CCNYL1: variants seen among roughly 807,000 people sequenced by gnomAD.
CCNYL1 encodes cyclin-Y-like protein 1.
In CCNYL1, 16 loss-of-function variants were observed where a neutral mutation model predicts 44.2. The ratio of observed to expected loss-of-function variants is 0.36; its 90% CI spans 0.25 to 0.55. The LOEUF (loss-of-function observed/expected upper bound fraction) is 0.55, where lower values mean the gene tolerates loss of function less well. Among genes scored for constraint, CCNYL1 ranks in the 20% least tolerant of loss-of-function variants. The pLI, the probability that CCNYL1 is intolerant of heterozygous loss-of-function variation, is 0.85. For missense variants in CCNYL1, 348 were observed against 451.8 expected, an observed-to-expected ratio of 0.77 and a Z score of 2.08; for synonymous variants, 159 against 163.2, an observed-to-expected ratio of 0.97 and a Z score of 0.20.
intron 8 of CCNYL1, 128 bp downstream of exon 8, chr2:207,747,341 ATCTG>A (rs886980258): frequency 1.2e-5 from 8 of 681,946 alleles, no homozygotes; most frequent in African/African-American, 9.0e-5. Flanking sequence ...ATAAGACTAT[ATCTG>A]TCTATCTTTA....
rs749556312 is a variant in CCNYL1 at position 207,753,950 on chromosome 2, C to A, written c.*252C>A. The A allele has an allele frequency of 5.5e-6, 2 of 362,462 alleles. No homozygotes were observed. The highest frequency in any genetic ancestry group is 1.0e-5 in the Non-Finnish European group (2 of 200,318). The allele number at this position is 362,462 out of a possible 1,614,324, so 22.5% of individuals were successfully genotyped here. On this transcript the variant is annotated 3_prime_UTR_variant, in exon 10 of 10. Coordinates refer to ENST00000295414, the MANE Select transcript of CCNYL1 (RefSeq NM_001330218.2). ...AAAACCACTCCAAAGTGAAGGCTCC[C>A]ATCCTACACACAGATATTTGCTTAC...
intron 8 of CCNYL1, among the ~76,000 whole-genome samples, chr2:207,748,650 GT>G (rs1487494690): frequency 6.6e-6 from 1 of 152,206 alleles, no homozygotes; most frequent in Non-Finnish European, 1.5e-5. Context: ...AGTGGCAAGA[GT>G]TTGTTTTTAT....
chr2:207,725,481 G>T (rs1691901219), intron 2 of CCNYL1, among the ~76,000 whole-genome samples: 1 of 152,194 alleles, frequency 6.6e-6, no homozygotes, highest in African/African-American at 2.4e-5. Flanking sequence ...TGCTCCAAAA[G>T]AGTACATTTT....
intron 1 of CCNYL1, among the ~76,000 whole-genome samples, chr2:207,717,944 G>A (rs528656298): frequency 8.5e-5 from 12 of 141,666 alleles, no homozygotes; most frequent in South Asian, 2.2e-4. Context: ...TCACTGTGTC[G>A]CCCAGGTTGA....
chr2:207,736,330 G>C (rs1202608655), intron 4 of CCNYL1, among the ~76,000 whole-genome samples: 1 of 152,182 alleles, frequency 6.6e-6, no homozygotes, highest in African/African-American at 2.4e-5. Context: ...TTGAGCCTCA[G>C]TTTAGAGACT....
intron 3 of CCNYL1, among the ~76,000 whole-genome samples, chr2:207,729,132 T>A (rs1307630454): frequency 6.6e-6 from 1 of 152,086 alleles, no homozygotes; most frequent in East Asian, 1.9e-4. Context: ...AATAAGTCTG[T>A]AGACTATGTC....
chr2:207,741,794 C>T (rs1470491911), intron 6 of CCNYL1, among the ~76,000 whole-genome samples: 2 of 148,558 alleles, frequency 1.3e-5, no homozygotes, highest in African/African-American at 2.5e-5. Flanking sequence ...TGCAGTGAGC[C>T]GAGATTGTGC....
intron 1 of CCNYL1, among the ~76,000 whole-genome samples, chr2:207,722,293 T>C (rs531915761): frequency 1.3e-5 from 2 of 152,164 alleles, no homozygotes; most frequent in East Asian, 3.9e-4. Context: ...CAGGCTGGTC[T>C]CGAACTCCTG....
intron 1 of CCNYL1, among the ~76,000 whole-genome samples, chr2:207,719,418 A>C (rs1245862275): frequency 6.6e-6 from 1 of 150,636 alleles, no homozygotes; most frequent in Admixed American, 6.7e-5. Flanking sequence ...CTAATGCCTC[A>C]GCCTCCTGAG....
intron 7 of CCNYL1, among the ~76,000 whole-genome samples, chr2:207,746,062 G>T (rs2091852783): frequency 6.6e-6 from 1 of 152,230 alleles, no homozygotes; most frequent in African/African-American, 2.4e-5. Flanking sequence ...TTTGAAGGAT[G>T]TTTGGTAGAT....
chr2:207,729,258 CCGCCCCCACCCCACCCCCCCCA>C (rs1467312511), intron 3 of CCNYL1, among the ~76,000 whole-genome samples: 8 of 95,204 alleles, frequency 8.4e-5, no homozygotes, highest in South Asian at 5.8e-4. Flanking sequence ...CCGCCCCCCC[CCGCCCCCACCCCACCCCCCCCA>C]CCCCCCCGCA....
rs2091594966 is a variant in CCNYL1 at position 207,716,303 on chromosome 2, A to G, written c.220+4187A>G. The stretch of plus-strand genomic sequence containing the variant: ...ATGTGGAAAAACCTCTGAGCAACAG[A>G]TCTTTCCTCTTTCCAGTAGCTATTT... On this transcript the variant is annotated intron_variant, in intron 1 of 9. Coordinates refer to ENST00000295414, the MANE Select transcript of CCNYL1 (RefSeq NM_001330218.2). 2.7e-5 allele frequency among the ~76,000 whole-genome samples: 4 copies of G among 148,524 alleles called. No homozygotes were observed. In the South Asian group the frequency reaches 8.5e-4, roughly 31 times the overall value.
rs751805496 is a variant in CCNYL1 at position 207,747,109 on chromosome 2, G to T, written c.702G>T (p.Arg234Ser). The change falls in exon 8 of 10, where the codon AGG becomes AGT. Residue 234 changes from arginine (R) to serine (S), a missense_variant. Physicochemically the swap from Arg to Ser is moderately radical, Grantham distance 110 (BLOSUM62 -1). Coordinates refer to ENST00000295414, the MANE Select transcript of CCNYL1 (RefSeq NM_001330218.2). ...EIDICPTNWK[R>S]IVLGAILLAS... Reference sequence around the variant, plus strand: ...ACATTTGTCCCACCAACTGGAAAAGGATTGTTCTGGGAGCCATTCTTCTTG... The same window carrying T: ...ACATTTGTCCCACCAACTGGAAAAGTATTGTTCTGGGAGCCATTCTTCTTG... The T allele has an allele frequency of 6.2e-7, 1 of 1,614,144 alleles. No individual in the cohort carries two copies. Among genetic ancestry groups the T allele is most frequent in the Non-Finnish European group, 8.5e-7 (1 of 1,180,012 alleles).
At position 207,754,285 on chromosome 2, in the gene CCNYL1, C is replaced by T. The variant is rs1369098485; in HGVS notation, c.*587C>T. On this transcript the variant is annotated 3_prime_UTR_variant, in exon 10 of 10. Transcript: ENST00000295414. Reference sequence around the variant, plus strand: ...CAAAAAGCTGCTGGATAACATTTGTCATTCATATTCTTTGCAAGCATTACT... The same window carrying T: ...CAAAAAGCTGCTGGATAACATTTGTTATTCATATTCTTTGCAAGCATTACT... 2 of 152,612 alleles carry T rather than the reference C, an allele frequency of 1.3e-5. No homozygotes were observed. The highest frequency in any genetic ancestry group is 1.9e-4 in the East Asian group (1 of 5,204). 9.5% of individuals were successfully genotyped at this position (152,612 alleles called of 1,614,324 possible).
intron 1 of CCNYL1, among the ~76,000 whole-genome samples, chr2:207,719,302 CTT>C (rs11412847): frequency 3.8e-5 from 5 of 133,038 alleles, no homozygotes; most frequent in Non-Finnish European, 3.1e-5. Flanking sequence ...ATAGCAATTG[CTT>C]TTTTTTTTTT....
At chr2:207,714,413 C>T (rs948158701) in intron 1 of CCNYL1, 3 of 414,428 alleles carry the variant, frequency 7.2e-6, no homozygotes, top group African/African-American at 2.1e-5. Flanking sequence ...CCTCCCACCT[C>T]AGCCTCCTGA....
At chr2:207,728,049 T>C (rs62189193) in intron 3 of CCNYL1, among the ~76,000 whole-genome samples, 23,460 of 151,230 alleles carry the variant, frequency 0.16, 3,006 homozygotes, top group East Asian at 0.38. Context: ...CTGCAACCTC[T>C]GCCTCCCGGG....
At chr2:207,724,465 G>A (rs549099310) in intron 1 of CCNYL1, among the ~76,000 whole-genome samples, 298 of 152,336 alleles carry the variant, frequency 2.0e-3, no homozygotes, top group Non-Finnish European at 3.5e-3. Context: ...GCTAGTAATA[G>A]CAGTAGAGAG....
chr2:207,748,763 G>C (rs560237153), intron 8 of CCNYL1, among the ~76,000 whole-genome samples: 16 of 152,346 alleles, frequency 1.1e-4, no homozygotes, highest in African/African-American at 3.8e-4. Context: ...ACCAGTAATT[G>C]TGGTAGCTGT....
Sources: gnomAD v4.1 joint callset for allele counts (sites outside exome capture counted in the v4.1 genomes callset) on GRCh38, gnomAD v4.1.1 for gene constraint, MANE v1.5 for transcripts, NCBI Gene and HGNC (gene_info 2026-07-23, HGNC 2026-07-21) for gene names.